Variants in PCDHGA10 observed in about 807,000 individuals in gnomAD.
PCDHGA10 encodes the protein protocadherin gamma-A10.
A neutral mutation model predicts 59.5 loss-of-function variants in PCDHGA10; 42 were observed. The ratio of observed to expected loss-of-function variants is 0.71; its 90% CI spans 0.55 to 0.91. The LOEUF (loss-of-function observed/expected upper bound fraction) is 0.91. Among genes scored for constraint, PCDHGA10 ranks in the 40% least tolerant of loss-of-function variants. The pLI is 0.00. For synonymous variants in PCDHGA10, 511 were observed against 517.2 expected (o/e 0.99, Z 0.16); for missense variants, 1,111 against 1,198.2 (o/e 0.93, Z 1.07).
In PCDHGA10 at chr5:141,485,318, G is replaced by A. The variant is rs1318256454; in HGVS notation, c.2437-9489G>A. On this transcript the variant is annotated intron_variant, in intron 1 of 3. Transcript: ENST00000398610. The surrounding 1 kb of genome is among the most constrained non-coding windows in gnomAD (Gnocchi z 5.7). ...GGAAGGGACTTTTGTAGGGAATGTC[G>A]CTCAAGATTTCCTGCTGGATACGGA... 3 of 1,614,142 alleles carry A rather than the reference G, an allele frequency of 1.9e-6. No homozygotes were observed. The highest frequency in any genetic ancestry group is 2.5e-6 in the Non-Finnish European group (3 of 1,180,006).
intron 1 of PCDHGA10, among the ~76,000 whole-genome samples, chr5:141,473,132 T>C (rs2099314792): frequency 6.6e-6 from 1 of 152,230 alleles, no homozygotes; most frequent in Non-Finnish European, 1.5e-5. Context: ...TGGCAAACTA[T>C]ATTATCTCTT....
intron 1 of PCDHGA10, among the ~76,000 whole-genome samples, chr5:141,460,256 C>T (rs1315761341): frequency 6.6e-6 from 1 of 151,704 alleles, no homozygotes; most frequent in Admixed American, 6.6e-5. Context: ...TTGATAAAGC[C>T]CAATTTATTT....
rs764434052 is a variant in PCDHGA10, at chr5:141,431,792, C to T, written c.2436+16181C>T. ...TGTTCTGGACGTGAACGACAATGCC[C>T]CAGAAGTGGTCCTCACCTCTCTCGC... is the stretch of plus-strand genomic sequence containing the variant. On this transcript the variant is annotated intron_variant, in intron 1 of 3. Transcript: ENST00000398610. This position sits in a 1 kb window ranked among gnomAD's most constrained non-coding sequence, Gnocchi z 4.8. The T allele has an allele frequency of 3.7e-6, 6 of 1,614,234 alleles. No homozygotes were observed. The South Asian group carries it at 6.6e-5, about 18-fold the overall frequency.
At position 141,489,728 on chromosome 5, in the gene PCDHGA10, G is replaced by T; in HGVS notation, c.2437-5079G>T. ...GACAGTGCCCAGGATCCGGATGTGGGCACCAATACTGTGAGCTTTTACACT... is the reference window on the plus strand; with the variant it reads ...GACAGTGCCCAGGATCCGGATGTGGTCACCAATACTGTGAGCTTTTACACT... On this transcript the variant is annotated intron_variant, in intron 1 of 3. Transcript: ENST00000398610. The surrounding 1 kb of genome is among the most constrained non-coding windows in gnomAD (Gnocchi z 4.5). The T allele has an allele frequency of 3.1e-6, 5 of 1,614,138 alleles. No homozygotes were observed. The South Asian group carries it at 5.5e-5, about 18-fold the overall frequency.
rs1257565821 is a variant in PCDHGA10, at chr5:141,487,319, C to G, written c.2437-7488C>G. ...ATTCGTGGCACTACTCTCTAAGTGTCTTCGTGGGGCAGCCTGTGGAGTCAC... is the reference window on the plus strand; with the variant it reads ...ATTCGTGGCACTACTCTCTAAGTGTGTTCGTGGGGCAGCCTGTGGAGTCAC... On this transcript the variant is annotated intron_variant, in intron 1 of 3. Transcript: ENST00000398610. The surrounding 1 kb of genome is among the most constrained non-coding windows in gnomAD (Gnocchi z 5.0). The G allele has an allele frequency of 6.2e-7, 1 of 1,614,052 alleles. No homozygotes were observed. The highest frequency in any genetic ancestry group is 1.3e-5 in the African/African-American group (1 of 74,930).
intron 1 of PCDHGA10, chr5:141,426,871 A>G (rs887250057): frequency 2.2e-6 from 1 of 456,722 alleles, no homozygotes; most frequent in Non-Finnish European, 4.4e-6. Flanking sequence ...GTGCTGGAGA[A>G]GCCCCTGGGC....
At chr5:141,480,167 G>C (rs752444894) in intron 1 of PCDHGA10, among the ~76,000 whole-genome samples, 3 of 151,964 alleles carry the variant, frequency 2.0e-5, no homozygotes, top group Non-Finnish European at 2.9e-5. Flanking sequence ...ATTTTGGGAG[G>C]CTGAGGCAGG....
Position 141,415,577 on chromosome 5 carries a change from C to T in PCDHGA10, c.2402C>T (p.Ser801Leu), listed in dbSNP as rs776744277. ...GATCCTTTGTCTTTGTTAGATGATTCGAAGTTTCCTATAGAGGATACCCCA... is the reference window on the plus strand; with the variant it reads ...GATCCTTTGTCTTTGTTAGATGATTTGAAGTTTCCTATAGAGGATACCCCA... ...KNDPLSLLDD[S>L]KFPIEDTPLV... The change falls in exon 1 of 4, where the codon TCG (serine) becomes TTG (leucine). Residue 801 changes from serine to leucine, a missense_variant. By Grantham distance (145) the Ser-to-Leu change is moderately radical. Transcript: ENST00000398610. 1.9e-6 allele frequency: 3 copies of T among 1,613,744 alleles called. No homozygotes were observed. Among genetic ancestry groups the T allele is most frequent in the East Asian group, 4.5e-5 (2 of 44,850 alleles).
intron 1 of PCDHGA10, chr5:141,421,587 G>A: frequency 1.2e-6 from 2 of 1,613,900 alleles, no homozygotes; most frequent in South Asian, 1.1e-5. Context: ...TTTACGGAGT[G>A]GAGGTGGAAA....
Position 141,414,280 on chromosome 5 carries a change from G to C in PCDHGA10, c.1105G>C (p.Val369Leu). 3.1e-6 allele frequency: 5 copies of C among 1,613,604 alleles called. No homozygotes were observed. Among genetic ancestry groups the C allele is most frequent in the Non-Finnish European group, 4.2e-6 (5 of 1,179,784 alleles). ...PVTEDSPLGT[V>L]VALLNVHDLD... ...GACTGAAGATTCACCTCTGGGAACA[G>C]TCGTAGCCCTTTTAAATGTGCATGA... is the stretch of plus-strand genomic sequence containing the variant. Residue 369 changes from valine (V) to leucine (L), a missense_variant, in exon 1 of 4, where the codon GTC (valine) becomes CTC (leucine). Physicochemically the swap from Val to Leu is conservative, Grantham distance 32. Transcript: ENST00000398610.
intron 1 of PCDHGA10, among the ~76,000 whole-genome samples, chr5:141,460,976 T>C (rs1444476508): frequency 7.6e-6 from 1 of 131,636 alleles, no homozygotes; most frequent in Non-Finnish European, 1.6e-5. Flanking sequence ...TGTGTGTGTG[T>C]GTGTGTGTAT....
chr5:141,422,342 TG>T, intron 1 of PCDHGA10: 1 of 1,551,514 alleles, frequency 6.4e-7, no homozygotes. Context: ...CTTCTAAATG[TG>T]CAAGATCAAG....
intron 1 of PCDHGA10, among the ~76,000 whole-genome samples, chr5:141,463,177 A>G (rs914982793): frequency 2.6e-5 from 4 of 152,250 alleles, no homozygotes; most frequent in Admixed American, 2.6e-4. Context: ...ATGTATGCTC[A>G]GATTATTATT....
At chr5:141,473,439 A>G (rs2099322281) in intron 1 of PCDHGA10, among the ~76,000 whole-genome samples, 1 of 152,210 alleles carries the variant, frequency 6.6e-6, no homozygotes, top group African/African-American at 2.4e-5. Flanking sequence ...TTGCTTATGC[A>G]AAAATAATTA....
rs964965013 is a variant in PCDHGA10 at position 141,489,097 on chromosome 5, C to G, written c.2437-5710C>G. The G allele has an allele frequency of 6.4e-6, 2 of 313,448 alleles. No homozygotes were observed. The highest frequency in any genetic ancestry group is 1.1e-4 in the South Asian group (2 of 18,596). 19.4% of individuals were successfully genotyped at this position (313,448 alleles called of 1,614,324 possible). The stretch of plus-strand genomic sequence containing the variant: ...ACCCCCGCCACTCGGTGACTAAGAA[C>G]TGCTGCAAGCAGGCAAACCTCCGAG... On this transcript the variant is annotated intron_variant, in intron 1 of 3. Coordinates refer to ENST00000398610, the MANE Select transcript of PCDHGA10 (RefSeq NM_018913.3). This position sits in a 1 kb window ranked among gnomAD's most constrained non-coding sequence, Gnocchi z 4.5.
rs1430260899 is a variant in PCDHGA10, at chr5:141,415,763, T to G, written c.2436+152T>G. On this transcript the variant is annotated intron_variant, in intron 1 of 3. Transcript: ENST00000398610. ...AGGTTTTTTTTTTTTTTTTTTTTTT[T>G]TTTTTTTTTACTTTCTGGTAAAATT... is the stretch of plus-strand genomic sequence containing the variant. The G allele has an allele frequency of 1.1e-5, 15 of 1,398,354 alleles. No homozygotes were observed. The African/African-American group carries it at 2.1e-4, about 19-fold the overall frequency. 86.6% of individuals were successfully genotyped at this position (1,398,354 alleles called of 1,614,324 possible). A position where few individuals can be genotyped will look rare whatever the true frequency, so the allele number is the denominator to read the frequency against.
At chr5:141,439,183 ACT>A (rs1255299140) in intron 1 of PCDHGA10, among the ~76,000 whole-genome samples, 3 of 145,262 alleles carry the variant, frequency 2.1e-5, no homozygotes, top group Non-Finnish European at 3.0e-5. Context: ...ACATAGTGAG[ACT>A]CTGACAAAAA....
intron 1 of PCDHGA10, 128 bp downstream of exon 1, chr5:141,415,739 G>GGT (rs2095908308): frequency 2.3e-6 from 1 of 434,538 alleles, no homozygotes; most frequent in East Asian, 5.9e-5. Context: ...TGTTTATTAA[G>GGT]GTTTTTTTTT....
chr5:141,451,408 T>C (rs1244686397), intron 1 of PCDHGA10, among the ~76,000 whole-genome samples: 1 of 152,204 alleles, frequency 6.6e-6, no homozygotes, highest in Non-Finnish European at 1.5e-5. Flanking sequence ...ATTAAGTTCC[T>C]TGTGGATTGT....
Sources: gnomAD v4.1 joint callset for allele counts (sites outside exome capture counted in the v4.1 genomes callset) on GRCh38, gnomAD v4.1.1 for gene constraint, Gnocchi (gnomAD v3.1) non-coding constraint, MANE v1.5 for transcripts, NCBI Gene and HGNC (gene_info 2026-07-23, HGNC 2026-07-21) for gene names.